The following HS3ST5 variants were observed in gnomAD, a reference collection of about 807,000 sequenced individuals.
HS3ST5 encodes heparan sulfate glucosamine 3-O-sulfotransferase 5.
HS3ST5 carries 10 observed loss-of-function variants against 25.4 expected under a neutral mutation model. The ratio of observed to expected loss-of-function variants is 0.39; its 90% CI spans 0.24 to 0.67. HS3ST5 has a LOEUF of 0.67. HS3ST5 is among the 30% of genes least tolerant of loss of function. The pLI, the probability that HS3ST5 is intolerant of heterozygous loss-of-function variation, is 0.44. For missense variants in HS3ST5, 324 were observed against 420.7 expected (o/e 0.77, Z 2.01); for synonymous variants, 170 against 162.4 (o/e 1.05, Z -0.36).
chr6:114,336,952 T>G (rs1724986530), intron 1 of HS3ST5, among the ~76,000 whole-genome samples: 1 of 152,218 alleles, frequency 6.6e-6, no homozygotes, highest in Admixed American at 6.5e-5. Context: ...GTTTAAAGAT[T>G]CTGTTACTTC....
intron 3 of HS3ST5, among the ~76,000 whole-genome samples, chr6:114,073,945 A>C (rs1378759241): frequency 6.6e-6 from 1 of 152,196 alleles, no homozygotes; most frequent in Non-Finnish European, 1.5e-5. Context: ...GCACATATAC[A>C]CCATGGAATA....
intron 2 of HS3ST5, among the ~76,000 whole-genome samples, chr6:114,170,268 C>T (rs1003122256): frequency 2.6e-5 from 4 of 152,026 alleles, no homozygotes; most frequent in Non-Finnish European, 2.9e-5. Context: ...TATGTATGTA[C>T]ATATGTATAT....
At position 114,086,684 on chromosome 6, in the gene HS3ST5, C is replaced by CT. The variant is rs555845692; in HGVS notation, c.-32-23808dup. Among the ~76,000 whole-genome samples, 53 of 152,272 alleles carry CT rather than the reference C, an allele frequency of 3.5e-4. No individual in the cohort carries two copies. In the East Asian group the frequency reaches 9.9e-3, roughly 28 times the overall value. ...GCATTTGTTATGCAGCAATAGAAAA[C>CT]TAATGCAGGCATATTTCCCTATCAC... On this transcript the variant is annotated intron_variant, in intron 3 of 4. Coordinates refer to ENST00000312719, the MANE Select transcript of HS3ST5 (RefSeq NM_153612.4).
At chr6:114,236,738 G>A (rs970909863) in intron 1 of HS3ST5, among the ~76,000 whole-genome samples, 2 of 152,090 alleles carry the variant, frequency 1.3e-5, no homozygotes, top group African/African-American at 2.4e-5. Flanking sequence ...CATTACTTCT[G>A]AGCATAGGCA....
At chr6:114,312,018 C>A (rs1399854504) in intron 1 of HS3ST5, among the ~76,000 whole-genome samples, 1 of 152,182 alleles carries the variant, frequency 6.6e-6, no homozygotes, top group Non-Finnish European at 1.5e-5. Flanking sequence ...TTAGCAGATT[C>A]ACCTTTCCAA....
intron 1 of HS3ST5, among the ~76,000 whole-genome samples, chr6:114,269,513 T>C (rs928903342): frequency 2.6e-5 from 4 of 152,150 alleles, no homozygotes; most frequent in African/African-American, 7.2e-5. Flanking sequence ...ACCATAAAAT[T>C]TGAAGAACCA....
chr6:114,339,331 C>T (rs1028590965), intron 1 of HS3ST5, among the ~76,000 whole-genome samples: 3 of 152,106 alleles, frequency 2.0e-5, no homozygotes, highest in African/African-American at 7.2e-5. Flanking sequence ...AGGGTGCCTA[C>T]AATAAATAGA....
chr6:114,303,268 C>T (rs539304892), intron 1 of HS3ST5, among the ~76,000 whole-genome samples: 2 of 152,022 alleles, frequency 1.3e-5, no homozygotes, highest in East Asian at 3.9e-4. Flanking sequence ...AGGTGATTAA[C>T]GCATGTTTGT....
At chr6:114,179,255 T>G (rs572764386) in intron 2 of HS3ST5, 1 of 152,242 alleles carries the variant, frequency 6.6e-6, no homozygotes, top group Admixed American at 6.5e-5. Flanking sequence ...CAATAATTAT[T>G]TGGGGTATGA....
intron 3 of HS3ST5, among the ~76,000 whole-genome samples, chr6:114,063,938 A>G (rs1353873552): frequency 6.6e-6 from 1 of 152,222 alleles, no homozygotes; most frequent in East Asian, 1.9e-4. Context: ...GCTTACCTGG[A>G]AGCTCTGTTC....
chr6:114,319,608 T>C (rs1775881749), intron 1 of HS3ST5, among the ~76,000 whole-genome samples: 1 of 152,118 alleles, frequency 6.6e-6, no homozygotes. Context: ...TTCCAGAGAG[T>C]ATAAATATCT....
At chr6:114,328,037 G>A (rs1776240811) in intron 1 of HS3ST5, among the ~76,000 whole-genome samples, 1 of 152,078 alleles carries the variant, frequency 6.6e-6, no homozygotes, top group Non-Finnish European at 1.5e-5. Context: ...AATAATAGAG[G>A]TAGGAGCAGA....
At chr6:114,240,985 T>C (rs1772088174) in intron 1 of HS3ST5, among the ~76,000 whole-genome samples, 1 of 152,134 alleles carries the variant, frequency 6.6e-6, no homozygotes, top group African/African-American at 2.4e-5. Flanking sequence ...ATCAATGGGT[T>C]ACACAACGAA....
chr6:114,126,367 A>G (rs1777038792), intron 3 of HS3ST5, among the ~76,000 whole-genome samples: 1 of 152,150 alleles, frequency 6.6e-6, no homozygotes, highest in Non-Finnish European at 1.5e-5. Flanking sequence ...AGGTGTCCCA[A>G]CCTTTCATCT....
intron 1 of HS3ST5, among the ~76,000 whole-genome samples, chr6:114,332,529 G>A (rs1266310466): frequency 1.3e-5 from 2 of 152,136 alleles, no homozygotes; most frequent in African/African-American, 2.4e-5. Flanking sequence ...GTCAGACACA[G>A]GGAGAGTTAA....
chr6:114,119,357 C>G (rs78957097), intron 3 of HS3ST5, among the ~76,000 whole-genome samples: 15 of 152,328 alleles, frequency 9.8e-5, no homozygotes, highest in Non-Finnish European at 2.1e-4. Context: ...ATGGCAGAAT[C>G]TGATAAATTC....
At chr6:114,229,501 A>G (rs1771473407) in intron 1 of HS3ST5, among the ~76,000 whole-genome samples, 1 of 152,230 alleles carries the variant, frequency 6.6e-6, no homozygotes, top group African/African-American at 2.4e-5. Flanking sequence ...AGTACACTGC[A>G]TAACAATAGT....
chr6:114,275,666 C>A (rs1425066510), intron 1 of HS3ST5, among the ~76,000 whole-genome samples: 1 of 151,976 alleles, frequency 6.6e-6, no homozygotes, highest in Non-Finnish European at 1.5e-5. Context: ...TTCAACTCTG[C>A]CATTATAGCA....
At chr6:114,211,100 G>A (rs1170127249) in intron 2 of HS3ST5, among the ~76,000 whole-genome samples, 1 of 152,148 alleles carries the variant, frequency 6.6e-6, no homozygotes, top group Non-Finnish European at 1.5e-5. Context: ...GAGTAAGACA[G>A]GTTGTCATGC....
Sources: allele counts gnomAD v4.1 joint callset (sites outside exome capture counted in the v4.1 genomes callset), GRCh38; gene constraint gnomAD v4.1.1; transcripts MANE v1.5; gene names NCBI Gene and HGNC (gene_info 2026-07-23, HGNC 2026-07-21).